MACROD2: variants seen among roughly 807,000 people sequenced by gnomAD.
MACROD2 encodes mono-ADP ribosylhydrolase 2, also known as ADP-ribose glycohydrolase MACROD2.
Under a neutral mutation model 70.4 loss-of-function variants are expected in MACROD2, and 36 were observed. The ratio of observed to expected loss-of-function variants is 0.51; its 90% CI spans 0.39 to 0.68. The LOEUF (loss-of-function observed/expected upper bound fraction) is 0.68, where lower values mean the gene tolerates loss of function less well. MACROD2 is among the 30% of genes least tolerant of loss of function. The pLI, the probability that MACROD2 is intolerant of heterozygous loss-of-function variation, is 0.00. For synonymous variants in MACROD2, 172 were observed against 178.8 expected (o/e 0.96, Z 0.30); for missense variants, 496 against 538.4 (o/e 0.92, Z 0.78).
intron 8 of MACROD2, among the ~76,000 whole-genome samples, chr20:15,845,390 A>G (rs2064219601): frequency 6.6e-6 from 1 of 152,182 alleles, no homozygotes; most frequent in Non-Finnish European, 1.5e-5. Flanking sequence ...TAAGCACACT[A>G]GAAGTTTTTT....
rs2067439100 is a variant in MACROD2, at chr20:16,050,056, A to G, written c.*180A>G. On this transcript the variant is annotated 3_prime_UTR_variant, in exon 18 of 18. Coordinates refer to ENST00000684519, the MANE Select transcript of MACROD2 (RefSeq NM_001351661.2). The stretch of plus-strand genomic sequence containing the variant: ...TTTATCTGCAGAAAAAGAAAGAAAA[A>G]AAAGAAAAAAAAAGTTTCCTTTAAT... 3.5e-6 allele frequency: 2 copies of G among 563,570 alleles called. No individual in the cohort carries two copies. The highest frequency in any genetic ancestry group is 5.9e-5 in the South Asian group (2 of 33,768). The allele number at this position is 563,570 out of a possible 1,614,324, so 34.9% of individuals were successfully genotyped here.
At chr20:14,097,961 G>A (rs557824888) in intron 3 of MACROD2, among the ~76,000 whole-genome samples, 2 of 152,292 alleles carry the variant, frequency 1.3e-5, no homozygotes, top group East Asian at 3.9e-4. Context: ...GCACTTAAAA[G>A]CTTTTGGATT....
At chr20:14,412,017 C>G (rs117852518) in intron 3 of MACROD2, among the ~76,000 whole-genome samples, 3,873 of 152,212 alleles carry the variant, frequency 0.025, 76 homozygotes, top group Non-Finnish European at 0.036. Context: ...TCAGCATAAC[C>G]AAAAGTGTCA....
intron 2 of MACROD2, among the ~76,000 whole-genome samples, chr20:14,018,846 A>G (rs898977683): frequency 1.3e-5 from 2 of 152,196 alleles, no homozygotes; most frequent in Non-Finnish European, 2.9e-5. Flanking sequence ...CCAGCCTTTG[A>G]TAAAAGAAAA....
At position 14,353,719 on chromosome 20, in the gene MACROD2, C is replaced by T. The variant is rs147168719; in HGVS notation, c.272-139760C>T. 3.1e-4 allele frequency among the ~76,000 whole-genome samples: 47 copies of T among 152,188 alleles called. No individual in the cohort carries two copies. In the East Asian group the frequency reaches 7.3e-3, roughly 24 times the overall value. ...GCGCAGACAAAACCATGGCCAGAGG[C>T]GTTTATTCCTCTATGTCTCTTTTGA... On this transcript the variant is annotated intron_variant, in intron 3 of 17. Coordinates refer to ENST00000684519, the MANE Select transcript of MACROD2 (RefSeq NM_001351661.2).
At chr20:14,444,535 C>T (rs1320571602) in intron 3 of MACROD2, among the ~76,000 whole-genome samples, 1 of 152,016 alleles carries the variant, frequency 6.6e-6, no homozygotes. Context: ...TCTTTTCTGA[C>T]TACATTCACT....
intron 7 of MACROD2, among the ~76,000 whole-genome samples, chr20:15,481,377 G>C (rs1309680701): frequency 6.6e-6 from 1 of 152,174 alleles, no homozygotes; most frequent in East Asian, 1.9e-4. Context: ...TGAGGCAGAG[G>C]CTGGCCAAAT....
At chr20:15,611,899 T>C (rs1309801380) in intron 8 of MACROD2, among the ~76,000 whole-genome samples, 4 of 146,626 alleles carry the variant, frequency 2.7e-5, no homozygotes, top group Non-Finnish European at 6.0e-5. Context: ...CATGCATTTG[T>C]GTGTATGTCT....
At position 14,691,749 on chromosome 20, in the gene MACROD2, C is replaced by T. The variant is rs181548055; in HGVS notation, c.418+6790C>T. Among the ~76,000 whole-genome samples the T allele has an allele frequency of 4.0e-4, 61 of 152,278 alleles. No homozygotes were observed. The Middle Eastern group carries it at 0.01, about 25-fold the overall frequency. On this transcript the variant is annotated intron_variant, in intron 5 of 17. Transcript: ENST00000684519. ...TGAAAGCAGTGGAGTGGACATGCTGCTAGGAGTATGACTCTGCCAGCCTTT... is the reference window on the plus strand; with the variant it reads ...TGAAAGCAGTGGAGTGGACATGCTGTTAGGAGTATGACTCTGCCAGCCTTT...
intron 5 of MACROD2, among the ~76,000 whole-genome samples, chr20:14,808,762 A>G (rs1464985305): frequency 1.2e-4 from 15 of 126,970 alleles, no homozygotes; most frequent in Admixed American, 4.5e-4. Flanking sequence ...AATGGAAAGA[A>G]AAAAAAAAAA....
chr20:14,386,220 T>A (rs539441695), intron 3 of MACROD2, among the ~76,000 whole-genome samples: 138 of 152,318 alleles, frequency 9.1e-4, no homozygotes, highest in Admixed American at 2.0e-3. Flanking sequence ...ATGGAAACTC[T>A]CATCTGTCTG....
chr20:15,222,149 A>C (rs913188027), intron 5 of MACROD2, among the ~76,000 whole-genome samples: 1 of 152,226 alleles, frequency 6.6e-6, no homozygotes, highest in African/African-American at 2.4e-5. Context: ...TTGAATGACT[A>C]TAGTCTTTCC....
At chr20:15,779,304 T>G (rs2051789860) in intron 8 of MACROD2, among the ~76,000 whole-genome samples, 1 of 152,180 alleles carries the variant, frequency 6.6e-6, no homozygotes, top group African/African-American at 2.4e-5. Context: ...GCTCTTGAAT[T>G]TTGATTTAAT....
chr20:14,563,839 A>T (rs1979600430), intron 4 of MACROD2, among the ~76,000 whole-genome samples: 1 of 151,994 alleles, frequency 6.6e-6, no homozygotes, highest in South Asian at 2.1e-4. Context: ...CCAGAATTAG[A>T]AAAAACAATC....
intron 8 of MACROD2, among the ~76,000 whole-genome samples, chr20:15,588,689 C>T (rs2048636808): frequency 6.6e-6 from 1 of 152,192 alleles, no homozygotes; most frequent in South Asian, 2.1e-4. Flanking sequence ...CAAAATACCT[C>T]CAGTCTCTTT....
intron 2 of MACROD2, among the ~76,000 whole-genome samples, chr20:14,019,707 TGA>T (rs2053046001): frequency 6.6e-6 from 1 of 152,036 alleles, no homozygotes; most frequent in Non-Finnish European, 1.5e-5. Flanking sequence ...CATTGAATCA[TGA>T]GTCTTGGATC....
At chr20:14,347,305 G>A (rs954078612) in intron 3 of MACROD2, among the ~76,000 whole-genome samples, 1 of 152,180 alleles carries the variant, frequency 6.6e-6, no homozygotes, top group Non-Finnish European at 1.5e-5. Context: ...ATGCACATAT[G>A]AGAGGTCACC....
chr20:14,948,628 T>C (rs1283043774), intron 5 of MACROD2, among the ~76,000 whole-genome samples: 2 of 152,176 alleles, frequency 1.3e-5, no homozygotes. Context: ...CTACCAAACC[T>C]GTGGTACTGC....
At chr20:16,003,285 T>C (rs981566173) in intron 15 of MACROD2, among the ~76,000 whole-genome samples, 1 of 152,182 alleles carries the variant, frequency 6.6e-6, no homozygotes, top group Non-Finnish European at 1.5e-5. Flanking sequence ...ATATTTCTTA[T>C]ACAATAATTG....
Sources: allele counts gnomAD v4.1 joint callset (sites outside exome capture counted in the v4.1 genomes callset), GRCh38; gene constraint gnomAD v4.1.1; transcripts MANE v1.5; gene names NCBI Gene and HGNC (gene_info 2026-07-23, HGNC 2026-07-21).